The following ACSS3 variants were observed in gnomAD, a reference collection of about 807,000 sequenced individuals.
ACSS3 encodes acyl-CoA synthetase short chain family member 3, also known as acyl-CoA synthetase short-chain family member 3, mitochondrial.
A neutral mutation model predicts 84.2 loss-of-function variants in ACSS3; 64 were observed. The observed-to-expected ratio is 0.76, with a 90% CI of 0.62 to 0.94. The LOEUF (loss-of-function observed/expected upper bound fraction) is 0.94, where lower values mean the gene tolerates loss of function less well. Among genes scored for constraint, ACSS3 ranks in the 40% least tolerant of loss-of-function variants. The pLI is 0.00. For missense variants in ACSS3, 815 were observed against 867.6 expected, an observed-to-expected ratio of 0.94 and a Z score of 0.76; for synonymous variants, 317 against 310.1, an observed-to-expected ratio of 1.02 and a Z score of -0.23.
intron 1 of ACSS3, chr12:81,104,932 T>G (rs976271180): frequency 1.3e-5 from 2 of 152,186 alleles, no homozygotes; most frequent in East Asian, 3.8e-4. Flanking sequence ...ATGTATATAT[T>G]GCATAGTGGT....
intron 7 of ACSS3, among the ~76,000 whole-genome samples, chr12:81,163,392 AC>A (rs1318003811): frequency 6.6e-6 from 1 of 152,212 alleles, no homozygotes; most frequent in Non-Finnish European, 1.5e-5. Context: ...GCTGGTATAA[AC>A]AAACCTACTG....
intron 2 of ACSS3, among the ~76,000 whole-genome samples, chr12:81,129,559 C>T (rs1885347399): frequency 6.6e-6 from 1 of 151,988 alleles, no homozygotes; most frequent in Admixed American, 6.6e-5. Flanking sequence ...ATGGCCCCAA[C>T]TTAAATACAT....
intron 10 of ACSS3, among the ~76,000 whole-genome samples, chr12:81,219,455 T>C (rs1208134720): frequency 1.3e-5 from 2 of 152,134 alleles, no homozygotes; most frequent in African/African-American, 4.8e-5. Flanking sequence ...CAAGGGTTAC[T>C]GAATGTGGAT....
intron 2 of ACSS3, among the ~76,000 whole-genome samples, chr12:81,133,955 A>C (rs1157085406): frequency 7.1e-6 from 1 of 140,732 alleles, no homozygotes; most frequent in South Asian, 2.4e-4. Context: ...GCCCATGGGA[A>C]GGATTCTTGC....
At chr12:81,254,481 T>A (rs1408257076) in intron 15 of ACSS3, among the ~76,000 whole-genome samples, 3 of 152,178 alleles carry the variant, frequency 2.0e-5, no homozygotes, top group African/African-American at 7.2e-5. Context: ...GTACATTATG[T>A]GTGCAAAGAT....
At chr12:81,090,627 A>G (rs1034852854) in intron 1 of ACSS3, among the ~76,000 whole-genome samples, 2 of 152,026 alleles carry the variant, frequency 1.3e-5, no homozygotes, top group African/African-American at 4.8e-5. Flanking sequence ...TCCTCTATCA[A>G]GGAACCAAAG....
At position 81,216,956 on chromosome 12, in the gene ACSS3, TC is replaced by T; in HGVS notation, c.1412del (p.Pro471HisfsTer15). 6.2e-7 allele frequency: 1 copy of T among 1,611,396 alleles called. No homozygotes were observed. The highest frequency in any genetic ancestry group is 8.5e-7 in the Non-Finnish European group (1 of 1,178,136). On this transcript the variant is annotated frameshift_variant, in exon 10 of 16. Transcript: ENST00000548058. LOFTEE classifies it high-confidence loss of function. ...CVGLGNSKTP[P>X]PGQAGKSVPG... ...TTGGATTAGGCAATTCTAAAACACC[TC>T]CACCAGGGCAAGCAGGAAAAAGCGT...
intron 8 of ACSS3, among the ~76,000 whole-genome samples, chr12:81,187,153 CAA>C (rs60792995): frequency 6.6e-6 from 1 of 150,554 alleles, no homozygotes; most frequent in East Asian, 1.9e-4. Flanking sequence ...AAAACAACAA[CAA>C]AAAAAAATCA....
intron 3 of ACSS3, among the ~76,000 whole-genome samples, chr12:81,136,379 T>G (rs1015017856): frequency 7.9e-5 from 12 of 152,268 alleles, no homozygotes; most frequent in African/African-American, 2.9e-4. Flanking sequence ...TTAGACAACA[T>G]GTACATGATA....
At chr12:81,193,590 G>T (rs902668345) in intron 8 of ACSS3, among the ~76,000 whole-genome samples, 1 of 150,414 alleles carries the variant, frequency 6.6e-6, no homozygotes. Flanking sequence ...TTATTATTTT[G>T]TTTAGTTTAT....
intron 13 of ACSS3, among the ~76,000 whole-genome samples, chr12:81,249,040 T>A (rs1207215626): frequency 3.9e-5 from 6 of 151,994 alleles, no homozygotes; most frequent in Non-Finnish European, 7.4e-5. Context: ...TCCTTGCAGA[T>A]CCAAGTAAAA....
intron 8 of ACSS3, among the ~76,000 whole-genome samples, chr12:81,179,549 G>A (rs940548484): frequency 2.0e-5 from 3 of 151,912 alleles, no homozygotes; most frequent in Non-Finnish European, 4.4e-5. Flanking sequence ...TTGGGAGGCC[G>A]AGGTGGGCAG....
Position 81,261,194 on chromosome 12 carries a change from T to C in ACSS3, c.*6272T>C, listed in dbSNP as rs997769111. On this transcript the variant is annotated 3_prime_UTR_variant, in exon 16 of 16. Coordinates refer to ENST00000548058, the MANE Select transcript of ACSS3 (RefSeq NM_024560.4). ...TGATAAGAAACAATGTAATAAAGGT[T>C]TGAATTTTTCACAGTTTCTACTATT... is the stretch of plus-strand genomic sequence containing the variant. 16 of 152,144 alleles carry C rather than the reference T, an allele frequency of 1.1e-4. No individual in the cohort carries two copies. The highest frequency in any genetic ancestry group is 3.9e-4 in the African/African-American group (16 of 41,448). 9.4% of individuals were successfully genotyped at this position (152,144 alleles called of 1,614,324 possible).
rs140528131 is a variant in ACSS3, at chr12:81,124,862, G to A, written c.457-9954G>A. ...AGCCATTCTATCAATTCTTTTTAGG[G>A]CTCTTGTTCTGTTAATCTATCTTAT... On this transcript the variant is annotated intron_variant, in intron 2 of 15. Transcript: ENST00000548058. Among the ~76,000 whole-genome samples the A allele has an allele frequency of 1.6e-4, 25 of 152,176 alleles. No individual in the cohort carries two copies. The East Asian group carries it at 4.4e-3, about 27-fold the overall frequency.
chr12:81,139,159 G>A lies in ACSS3; in HGVS notation c.674G>A (p.Gly225Asp). The change falls in exon 4 of 16, where the codon GGC (glycine) becomes GAC (aspartate). Residue 225 changes from glycine to aspartate, a missense_variant. Coordinates refer to ENST00000548058, the MANE Select transcript of ACSS3 (RefSeq NM_024560.4). Reference protein sequence around the residue: ...KPKVVVTASFGIEPGRRVEYV... With the variant: ...KPKVVVTASFDIEPGRRVEYV... ...AAGGTGGTTGTTACAGCATCATTTG[G>A]CATTGAACCTGGAAGGAGGGTAGAG... The A allele has an allele frequency of 2.5e-6, 4 of 1,613,490 alleles. No individual in the cohort carries two copies. The highest frequency in any genetic ancestry group is 3.4e-6 in the Non-Finnish European group (4 of 1,179,634).
Position 81,260,107 on chromosome 12 carries a change from G to C in ACSS3, c.*5185G>C, listed in dbSNP as rs1230258418. On this transcript the variant is annotated 3_prime_UTR_variant, in exon 16 of 16. Transcript: ENST00000548058. ...TCACCTATTGTAAACGTTTGTGTCA[G>C]TAGTATGGCATTGCTGATTGTTTTC... The C allele has an allele frequency of 6.5e-6, 1 of 153,024 alleles. No individual in the cohort carries two copies. The highest frequency in any genetic ancestry group is 2.4e-5 in the African/African-American group (1 of 41,450). 9.5% of individuals were successfully genotyped at this position (153,024 alleles called of 1,614,324 possible).
intron 13 of ACSS3, among the ~76,000 whole-genome samples, chr12:81,246,339 G>A (rs529449244): frequency 1.3e-5 from 2 of 152,258 alleles, no homozygotes; most frequent in Middle Eastern, 3.4e-3. Flanking sequence ...AAGTAGGGAG[G>A]ACAAAACCTG....
intron 5 of ACSS3, 52 bp downstream of exon 5, chr12:81,143,299 C>T (rs1192292186): frequency 2.1e-6 from 3 of 1,419,474 alleles, no homozygotes; most frequent in Non-Finnish European, 2.8e-6. Context: ...TACTTTGCAC[C>T]AAGAATGTTT....
intron 8 of ACSS3, among the ~76,000 whole-genome samples, chr12:81,184,923 A>C (rs1204138175): frequency 6.6e-6 from 1 of 151,770 alleles, no homozygotes; most frequent in Non-Finnish European, 1.5e-5. Context: ...TTAGATAAAG[A>C]TATCACAAGA....
Sources: allele counts gnomAD v4.1 joint callset (sites outside exome capture counted in the v4.1 genomes callset), GRCh38; gene constraint gnomAD v4.1.1; transcripts MANE v1.5; gene names NCBI Gene and HGNC (gene_info 2026-07-23, HGNC 2026-07-21).